Variants in JMJD1C observed in about 807,000 individuals in gnomAD.
JMJD1C encodes the protein jumonji domain containing 1C, also known as jumonji domain-containing protein 1C.
Under a neutral mutation model 245.3 loss-of-function variants are expected in JMJD1C, and 31 were observed. That is an observed-to-expected ratio of 0.13 (90% CI 0.09 to 0.17). The LOEUF (loss-of-function observed/expected upper bound fraction) is 0.17. Among genes scored for constraint, JMJD1C ranks in the 10% least tolerant of loss-of-function variants. The pLI is 1.00. For missense variants in JMJD1C, 2,691 were observed against 3,000.2 expected (o/e 0.90, Z 2.41); for synonymous variants, 1,057 against 1,017.4 (o/e 1.04, Z -0.74).
At chr10:63,479,821 G>C (rs1564960952) in intron 1 of JMJD1C, among the ~76,000 whole-genome samples, 1 of 152,116 alleles carries the variant, frequency 6.6e-6, no homozygotes, top group East Asian at 1.9e-4. Flanking sequence ...GTCCCACTGA[G>C]AGTGACACAG....
At chr10:63,372,395 T>C (rs1225672641) in intron 2 of JMJD1C, among the ~76,000 whole-genome samples, 1 of 152,326 alleles carries the variant, frequency 6.6e-6, no homozygotes, top group East Asian at 1.9e-4. Flanking sequence ...AAATAACGCA[T>C]TTCAGGTAAT....
intron 2 of JMJD1C, among the ~76,000 whole-genome samples, chr10:63,347,848 A>G (rs569746836): frequency 6.6e-6 from 1 of 152,198 alleles, no homozygotes; most frequent in African/African-American, 2.4e-5. Context: ...CAGGGGGTGG[A>G]AGTTGCAGTG....
intron 2 of JMJD1C, among the ~76,000 whole-genome samples, chr10:63,345,379 C>T (rs1421915664): frequency 6.6e-6 from 1 of 150,782 alleles, no homozygotes; most frequent in Non-Finnish European, 1.5e-5. Flanking sequence ...CCCAGCTACT[C>T]GGGAAGCTAA....
intron 1 of JMJD1C, among the ~76,000 whole-genome samples, chr10:63,488,362 G>A (rs896739840): frequency 1.2e-4 from 18 of 152,224 alleles, no homozygotes; most frequent in Middle Eastern, 6.8e-3. Flanking sequence ...AAATATCAAT[G>A]TTCTAAAGCT....
At chr10:63,172,566 G>A (rs993272010) in intron 24 of JMJD1C, among the ~76,000 whole-genome samples, 4 of 151,996 alleles carry the variant, frequency 2.6e-5, no homozygotes, top group African/African-American at 9.7e-5. Flanking sequence ...TCATGCTTAC[G>A]TTCCAGTGGG....
At chr10:63,463,949 C>T (rs1358007975) in intron 1 of JMJD1C, among the ~76,000 whole-genome samples, 1 of 152,090 alleles carries the variant, frequency 6.6e-6, no homozygotes, top group East Asian at 1.9e-4. Context: ...AAATTCCCAA[C>T]TAAGAGAGCA....
chr10:63,333,709 A>G (rs1053625790), intron 2 of JMJD1C, among the ~76,000 whole-genome samples: 3 of 152,200 alleles, frequency 2.0e-5, no homozygotes, highest in Non-Finnish European at 4.4e-5. Context: ...GAAACCTAGG[A>G]GCATTGCCCA....
At chr10:63,171,165 G>T (rs572868049) in intron 24 of JMJD1C, among the ~76,000 whole-genome samples, 1 of 151,458 alleles carries the variant, frequency 6.6e-6, no homozygotes, top group Non-Finnish European at 1.5e-5. Context: ...TTTTACTAAA[G>T]ATTATGTGTT....
At chr10:63,392,268 A>G (rs1439971277) in intron 1 of JMJD1C, among the ~76,000 whole-genome samples, 1 of 152,218 alleles carries the variant, frequency 6.6e-6, no homozygotes, top group Admixed American at 6.5e-5. Flanking sequence ...TAAAACTACT[A>G]GAAGAAAACA....
intron 2 of JMJD1C, among the ~76,000 whole-genome samples, chr10:63,313,197 T>C (rs1020351354): frequency 5.3e-5 from 8 of 152,200 alleles, no homozygotes; most frequent in African/African-American, 1.4e-4. Context: ...GAACATACGA[T>C]GTTTGGTTTT....
chr10:63,253,914 T>TC (rs1329994447), intron 3 of JMJD1C, among the ~76,000 whole-genome samples: 1 of 152,126 alleles, frequency 6.6e-6, no homozygotes, highest in Non-Finnish European at 1.5e-5. Flanking sequence ...TATGTGTGTT[T>TC]CCCCCATTAA....
At chr10:63,247,719 C>CAAAAAAAAAAAAAAA (rs71025135) in intron 3 of JMJD1C, among the ~76,000 whole-genome samples, 1 of 105,504 alleles carries the variant, frequency 9.5e-6, no homozygotes. Flanking sequence ...GTGACAGAGC[C>CAAAAAAAAAAAAAAA]AAAAAAAAAA....
chr10:63,473,021 G>C (rs959837653), intron 1 of JMJD1C, among the ~76,000 whole-genome samples: 1 of 152,094 alleles, frequency 6.6e-6, no homozygotes, highest in Non-Finnish European at 1.5e-5. Flanking sequence ...TTGACCTCAT[G>C]ATCTGCCCTC....
intron 12 of JMJD1C, 112 bp from the exon 13 acceptor site, chr10:63,197,675 G>C: frequency 1.1e-6 from 1 of 931,862 alleles, no homozygotes. Flanking sequence ...GAACTTTCAA[G>C]GCTATATTAA....
At chr10:63,327,867 T>C (rs1302987078) in intron 2 of JMJD1C, among the ~76,000 whole-genome samples, 2 of 151,942 alleles carry the variant, frequency 1.3e-5, no homozygotes, top group Non-Finnish European at 2.9e-5. Context: ...ACGGGGTTTT[T>C]CCATGTTGGT....
At position 63,214,400 on chromosome 10, in the gene JMJD1C, C is replaced by A; in HGVS notation, c.1767G>T (p.Leu589Phe). The part of the protein sequence containing the change: ...VTNASSGNDH[L>F]NMEKEKYVSY... ...AGACATACTTCTCTTTTTCCATGTT[C>A]AAGTGATCATTTCCTGAAGAAGCAT... Residue 589 changes from leucine (L) to phenylalanine (F), a missense_variant, in exon 8 of 26, where the codon TTG becomes TTT. Around this residue, in one of 9 missense-constraint regions of JMJD1C, gnomAD observed 1,562 missense variants for 1,490.7 expected, o/e 1.05. Transcript: ENST00000399262. 6.2e-7 allele frequency: 1 copy of A among 1,613,900 alleles called. No individual in the cohort carries two copies. The highest frequency in any genetic ancestry group is 8.5e-7 in the Non-Finnish European group (1 of 1,180,002).
intron 2 of JMJD1C, among the ~76,000 whole-genome samples, chr10:63,321,270 AG>A (rs1940825857): frequency 6.6e-6 from 1 of 152,244 alleles, no homozygotes; most frequent in African/African-American, 2.4e-5. Context: ...GAATTGCTCT[AG>A]CAAACTAATT....
chr10:63,261,923 A>C (rs1203577238), intron 3 of JMJD1C, among the ~76,000 whole-genome samples: 1 of 152,224 alleles, frequency 6.6e-6, no homozygotes, highest in Non-Finnish European at 1.5e-5. Flanking sequence ...TTAAAAACTT[A>C]CATGTACCTA....
intron 2 of JMJD1C, among the ~76,000 whole-genome samples, chr10:63,305,459 CCT>C (rs371564275): frequency 0.43 from 48,231 of 112,660 alleles, 11,336 homozygotes; most frequent in East Asian, 0.8. Flanking sequence ...ACGCTCTGAC[CCT>C]CTCTCTCTCT....
Sources: gnomAD v4.1 joint callset for allele counts (sites outside exome capture counted in the v4.1 genomes callset) on GRCh38, gnomAD v4.1.1 for gene constraint, gnomAD v4.1.1 regional missense constraint, MANE v1.5 for transcripts, NCBI Gene and HGNC (gene_info 2026-07-23, HGNC 2026-07-21) for gene names.